Variants in TMEM44 observed in about 807,000 individuals in gnomAD.
The protein encoded by TMEM44 is transmembrane protein 44.
In TMEM44, 43 loss-of-function variants were observed where a neutral mutation model predicts 47.8. The observed-to-expected ratio is 0.90, with a 90% CI of 0.70 to 1.16. The LOEUF is 1.16. Among genes scored for constraint, TMEM44 ranks in the 50% most tolerant of loss-of-function variants. TMEM44 has a pLI of 0.00. For synonymous variants in TMEM44, 277 were observed against 238.8 expected, an observed-to-expected ratio of 1.16 and a Z score of -1.48; for missense variants, 568 against 555.2, an observed-to-expected ratio of 1.02 and a Z score of -0.23.
chr3:194,613,587 G>T (rs532760613), intron 7 of TMEM44, among the ~76,000 whole-genome samples: 1 of 150,578 alleles, frequency 6.6e-6, no homozygotes, highest in Non-Finnish European at 1.5e-5. Context: ...CCGCCTCCCA[G>T]GTTCAAGCGA....
At chr3:194,632,158 G>A (rs1717889876) in intron 1 of TMEM44, among the ~76,000 whole-genome samples, 1 of 152,194 alleles carries the variant, frequency 6.6e-6, no homozygotes, top group Non-Finnish European at 1.5e-5. Flanking sequence ...ACCTCCTGGT[G>A]CTGATATTGT....
At chr3:194,594,436 T>C (rs73195028) in intron 9 of TMEM44, among the ~76,000 whole-genome samples, 38,322 of 151,906 alleles carry the variant, frequency 0.25, 5,145 homozygotes, top group East Asian at 0.53. Flanking sequence ...GTGCTAGGAT[T>C]ACAGGCATGA....
In TMEM44 at chr3:194,604,281, G is replaced by A. The variant is rs745168; in HGVS notation, c.1176+6C>T. On this transcript the variant is annotated splice_donor_region_variant and intron_variant, in intron 9 of 9. Coordinates refer to ENST00000347147, the MANE Select transcript of TMEM44 (RefSeq NM_001011655.3). ...CGCACCCGCCCAGCAGGCAACAGCC[G>A]TGTACCTCCAGGTCGGAGTTGATGG... 0.35 allele frequency: 550,042 copies of A among 1,574,910 alleles called. 103,104 individuals carry two copies. The highest frequency in any genetic ancestry group is 0.76 in the East Asian group (31,997 of 42,018).
At chr3:194,601,955 C>A (rs1225834421) in intron 9 of TMEM44, among the ~76,000 whole-genome samples, 1 of 152,152 alleles carries the variant, frequency 6.6e-6, no homozygotes, top group East Asian at 1.9e-4. Context: ...TGTTGCTTCT[C>A]CCTCCCCGTC....
chr3:194,612,199 T>G (rs1477029619), intron 7 of TMEM44, among the ~76,000 whole-genome samples: 1 of 152,186 alleles, frequency 6.6e-6, no homozygotes, highest in Admixed American at 6.5e-5. Flanking sequence ...GAAGAACTGC[T>G]AGAGACTCCA....
intron 9 of TMEM44, 151 bp downstream of exon 9, chr3:194,604,136 G>C: frequency 2.0e-6 from 2 of 1,009,088 alleles, no homozygotes; most frequent in South Asian, 3.4e-5. Context: ...TTACAGGTGT[G>C]AGCCACCGCG....
chr3:194,614,054 G>A (rs1191410599), intron 7 of TMEM44, among the ~76,000 whole-genome samples: 3 of 152,108 alleles, frequency 2.0e-5, no homozygotes, highest in Middle Eastern at 3.4e-3. Flanking sequence ...CCCGGGAGGC[G>A]GAGGTTGTGG....
chr3:194,618,023 T>C (rs1716129275), intron 5 of TMEM44, among the ~76,000 whole-genome samples: 1 of 152,210 alleles, frequency 6.6e-6, no homozygotes, highest in Non-Finnish European at 1.5e-5. Context: ...GGCGTCATGC[T>C]TGGGAGCCTG....
intron 5 of TMEM44, among the ~76,000 whole-genome samples, chr3:194,618,916 A>G (rs1419487757): frequency 6.6e-6 from 1 of 152,078 alleles, no homozygotes; most frequent in Non-Finnish European, 1.5e-5. Flanking sequence ...TTCTCCGTGG[A>G]GCAGCCGGCT....
chr3:194,628,104 G>A lies in TMEM44; in HGVS notation c.264+279C>T, dbSNP rs1172066229. On this transcript the variant is annotated intron_variant, in intron 2 of 9. Transcript: ENST00000347147. ...TCTAATCTATTTAGAGGCCTGCCTC[G>A]GCCTCCCAAAGTGTTGATTACAGTG... Among the ~76,000 whole-genome samples the A allele has an allele frequency of 4.6e-5, 7 of 152,204 alleles. 1 individual carries two copies. The highest frequency in any genetic ancestry group is 3.3e-4 in the Admixed American group (5 of 15,282).
At chr3:194,622,481 C>G (rs551907468) in intron 5 of TMEM44, 1 of 152,292 alleles carries the variant, frequency 6.6e-6, no homozygotes. Context: ...TTACCCCCCC[C>G]AGCACTGGCC....
chr3:194,593,274 A>G (rs1432824035), intron 9 of TMEM44, among the ~76,000 whole-genome samples: 1 of 152,182 alleles, frequency 6.6e-6, no homozygotes, highest in African/African-American at 2.4e-5. Flanking sequence ...TAAATGATCA[A>G]TGAGATAGTT....
At position 194,604,376 on chromosome 3, in the gene TMEM44, G is replaced by C; in HGVS notation, c.1087C>G (p.Pro363Ala). Reference sequence around the variant, plus strand: ...ACCTGAACGGGAGGGTACGACGGGGGGTCCTGCAGGGACGCATCTCCGGCG... The same window carrying C: ...ACCTGAACGGGAGGGTACGACGGGGCGTCCTGCAGGGACGCATCTCCGGCG... ...TSAGDASLQD[P>A]PSYPPVQVIR... Residue 363 changes from proline to alanine, a missense_variant, in exon 9 of 10, where the codon CCC becomes GCC. By Grantham distance (27) the Pro-to-Ala change is conservative. Transcript: ENST00000347147. The C allele has an allele frequency of 1.9e-6, 3 of 1,556,572 alleles. No individual in the cohort carries two copies. Among genetic ancestry groups the C allele is most frequent in the Middle Eastern group, 1.7e-4 (1 of 5,980 alleles).
chr3:194,632,245 A>G (rs1348092314), intron 1 of TMEM44, among the ~76,000 whole-genome samples: 1 of 152,170 alleles, frequency 6.6e-6, no homozygotes, highest in African/African-American at 2.4e-5. Flanking sequence ...TTTTATTTGT[A>G]TTGCAGTACT....
At chr3:194,618,364 T>G in intron 5 of TMEM44, among the ~76,000 whole-genome samples, 1 of 151,738 alleles carries the variant, frequency 6.6e-6, no homozygotes, top group Non-Finnish European at 1.5e-5. Context: ...TGAATATGTA[T>G]ATACACAAAC....
Position 194,588,370 on chromosome 3 carries a change from A to G in TMEM44, c.*159T>C, listed in dbSNP as rs929439529. The G allele has an allele frequency of 1.6e-6, 1 of 631,178 alleles. No homozygotes were observed. The highest frequency in any genetic ancestry group is 1.8e-5 in the African/African-American group (1 of 54,598). The allele number at this position is 631,178 out of a possible 1,614,324, so 39.1% of individuals were successfully genotyped here. On this transcript the variant is annotated 3_prime_UTR_variant, in exon 10 of 10. Coordinates refer to ENST00000347147, the MANE Select transcript of TMEM44 (RefSeq NM_001011655.3). The stretch of plus-strand genomic sequence containing the variant: ...CAAAGTCGTAGCTCCGTGATGAGCT[A>G]TGATGTAGCCCAGCCACACTCAGTG...
chr3:194,591,291 G>A (rs1333111111), intron 9 of TMEM44, among the ~76,000 whole-genome samples: 9 of 146,570 alleles, frequency 6.1e-5, no homozygotes, highest in South Asian at 2.2e-4. Flanking sequence ...TCAGGAGTTC[G>A]AGACCAGCCT....
chr3:194,607,054 C>T (rs1022838673), intron 8 of TMEM44, among the ~76,000 whole-genome samples: 12 of 152,100 alleles, frequency 7.9e-5, no homozygotes, highest in Non-Finnish European at 1.8e-4. Context: ...TGTTTGGCCC[C>T]AGCGTGTCTC....
At chr3:194,608,374 C>T (rs1714978226) in intron 8 of TMEM44, among the ~76,000 whole-genome samples, 1 of 152,172 alleles carries the variant, frequency 6.6e-6, no homozygotes, top group African/African-American at 2.4e-5. Flanking sequence ...ACCACTGGAC[C>T]ATATATTCAA....
Sources: allele counts gnomAD v4.1 joint callset (sites outside exome capture counted in the v4.1 genomes callset), GRCh38; gene constraint gnomAD v4.1.1; transcripts MANE v1.5; gene names NCBI Gene and HGNC (gene_info 2026-07-23, HGNC 2026-07-21).